DLGAP2: variants seen among roughly 807,000 people sequenced by gnomAD.
The protein encoded by DLGAP2 is DLG associated protein 2, also known as disks large-associated protein 2.
Under a neutral mutation model 100.3 loss-of-function variants are expected in DLGAP2, and 26 were observed. That is an observed-to-expected ratio of 0.26 (90% CI 0.19 to 0.36). The LOEUF is 0.36. Among genes scored for constraint, DLGAP2 ranks in the 10% least tolerant of loss-of-function variants. The pLI is 1.00. For missense variants in DLGAP2, 1,858 were observed against 1,453.2 expected, an observed-to-expected ratio of 1.28 and a Z score of -4.53; for synonymous variants, 886 against 630.1, an observed-to-expected ratio of 1.41 and a Z score of -6.08.
At chr8:1,591,818 C>T (rs986101013) in intron 6 of DLGAP2, among the ~76,000 whole-genome samples, 14 of 152,174 alleles carry the variant, frequency 9.2e-5, no homozygotes, top group African/African-American at 3.1e-4. Flanking sequence ...CTGCCCTTCA[C>T]GTTTGTGGAT....
chr8:982,062 C>G (rs1271267810), intron 2 of DLGAP2, among the ~76,000 whole-genome samples: 2 of 152,212 alleles, frequency 1.3e-5, no homozygotes, highest in East Asian at 3.9e-4. Flanking sequence ...AACCATGTCT[C>G]CTCTGCACAG....
At chr8:1,223,347 C>T (rs147921925) in intron 2 of DLGAP2, among the ~76,000 whole-genome samples, 16 of 152,292 alleles carry the variant, frequency 1.1e-4, no homozygotes, top group South Asian at 2.1e-4. Flanking sequence ...AAGCGCTTCC[C>T]GTGTGCATGG....
intron 1 of DLGAP2, among the ~76,000 whole-genome samples, chr8:844,877 C>T (rs1797045428): frequency 6.6e-6 from 1 of 152,216 alleles, no homozygotes; most frequent in Admixed American, 6.5e-5. Context: ...AAATCCACTT[C>T]TGTCTCGGTT....
chr8:997,291 A>C (rs1800808531), intron 2 of DLGAP2, among the ~76,000 whole-genome samples: 1 of 152,222 alleles, frequency 6.6e-6, no homozygotes. Context: ...AATTCATGAA[A>C]ATTACAAAAT....
chr8:819,385 A>G (rs372736093), intron 1 of DLGAP2, among the ~76,000 whole-genome samples: 4 of 152,226 alleles, frequency 2.6e-5, no homozygotes, highest in Non-Finnish European at 5.9e-5. Flanking sequence ...ACAGGTCAAG[A>G]TATGATCAGA....
chr8:1,262,825 C>G lies in DLGAP2; in HGVS notation c.106+3942C>G, dbSNP rs147498756. On this transcript the variant is annotated intron_variant, in intron 3 of 14. Transcript: ENST00000637795. ...AAGCTTTATTGACAGATGCATGATA[C>G]TACTCGCTTTTCAACTAGAACACAG... Among the ~76,000 whole-genome samples, 69 of 152,262 alleles carry G rather than the reference C, an allele frequency of 4.5e-4. 1 individual carries two copies. The highest frequency in any genetic ancestry group is 1.5e-3 in the African/African-American group (62 of 41,542).
chr8:1,023,717 C>G (rs564366766), intron 2 of DLGAP2, among the ~76,000 whole-genome samples: 30 of 152,250 alleles, frequency 2.0e-4, no homozygotes, highest in African/African-American at 7.2e-4. Context: ...CCCAGCCCTG[C>G]TTTCCTTAGA....
At chr8:1,374,802 G>A (rs1035875477) in intron 3 of DLGAP2, among the ~76,000 whole-genome samples, 11 of 152,166 alleles carry the variant, frequency 7.2e-5, no homozygotes, top group Non-Finnish European at 1.6e-4. Context: ...GCTTCAGTCC[G>A]AATCGGTCCA....
At chr8:1,698,573 G>A (rs1799471688) in intron 14 of DLGAP2, among the ~76,000 whole-genome samples, 1 of 151,314 alleles carries the variant, frequency 6.6e-6, no homozygotes, top group Non-Finnish European at 1.5e-5. Flanking sequence ...AGCCATGCAT[G>A]GGACTAGACA....
chr8:1,416,740 G>A (rs1008683888), intron 3 of DLGAP2, among the ~76,000 whole-genome samples: 1 of 152,158 alleles, frequency 6.6e-6, no homozygotes, highest in Non-Finnish European at 1.5e-5. Flanking sequence ...GTAAGAAAAG[G>A]AATCGGACGT....
At chr8:904,176 G>C (rs1299004256) in intron 1 of DLGAP2, among the ~76,000 whole-genome samples, 1 of 152,246 alleles carries the variant, frequency 6.6e-6, no homozygotes, top group African/African-American at 2.4e-5. Flanking sequence ...TGTGTGGACA[G>C]TGTGACCGGG....
rs368746939 is a variant in DLGAP2, at chr8:1,146,629, A to G, written c.74-112222A>G. Among the ~76,000 whole-genome samples the G allele has an allele frequency of 7.9e-5, 12 of 151,922 alleles. No individual in the cohort carries two copies. In the East Asian group the frequency reaches 9.7e-4, roughly 12 times the overall value. ...TGTGTGCATGCACGTGTGTGCATGC[A>G]TGTGTGTGCATGTGAGTGTGTGCAT... On this transcript the variant is annotated intron_variant, in intron 2 of 14. Transcript: ENST00000637795.
rs1046765435 is a variant in DLGAP2 at position 1,701,417 on chromosome 8, CG to C, written c.*13del. 10 of 1,572,574 alleles carry C rather than the reference CG, an allele frequency of 6.4e-6. No homozygotes were observed. The Admixed American group carries it at 1.3e-4, about 20-fold the overall frequency. The stretch of plus-strand genomic sequence containing the variant: ...CAGACCCGGCTCTGAGGGCGGAGGC[CG>C]GCGCCTTCCCCTCGTCGCTTCCGCT... On this transcript the variant is annotated 3_prime_UTR_variant, in exon 15 of 15. Transcript: ENST00000637795.
At chr8:1,178,256 A>G (rs968157403) in intron 2 of DLGAP2, among the ~76,000 whole-genome samples, 2 of 152,242 alleles carry the variant, frequency 1.3e-5, no homozygotes, top group Non-Finnish European at 2.9e-5. Context: ...ACGTGATAGC[A>G]TTTGGTGGGT....
At chr8:1,267,637 G>GAAATAAAATAAAATAAAATCAAATAAAA (rs1382093781) in intron 3 of DLGAP2, among the ~76,000 whole-genome samples, 1 of 91,980 alleles carries the variant, frequency 1.1e-5, no homozygotes, top group Non-Finnish European at 2.3e-5. Context: ...TATTAAATAG[G>GAAATAAAATAAAATAAAATCAAATAAAA]TCTACAAAAA....
chr8:1,633,911 G>C (rs1164516474), intron 8 of DLGAP2, among the ~76,000 whole-genome samples: 1 of 152,244 alleles, frequency 6.6e-6, no homozygotes, highest in East Asian at 1.9e-4. Flanking sequence ...CACATAACAG[G>C]AGAGAAGCAA....
At chr8:1,615,722 T>C (rs550631711) in intron 6 of DLGAP2, among the ~76,000 whole-genome samples, 1 of 151,822 alleles carries the variant, frequency 6.6e-6, no homozygotes, top group Non-Finnish European at 1.5e-5. Flanking sequence ...TTATGAATGA[T>C]ATAAAAATGT....
chr8:945,225 C>T (rs1323826311), intron 2 of DLGAP2, among the ~76,000 whole-genome samples: 8 of 152,128 alleles, frequency 5.3e-5, no homozygotes, highest in Non-Finnish European at 1.0e-4. Context: ...TCCAAGGCAC[C>T]AGCAGCTGAT....
intron 6 of DLGAP2, among the ~76,000 whole-genome samples, chr8:1,613,542 T>TTA (rs1797050405): frequency 7.4e-6 from 1 of 135,882 alleles, no homozygotes; most frequent in Non-Finnish European, 1.6e-5. Context: ...TAAAGTATAA[T>TTA]AAAAAAAAAA....
Sources: gnomAD v4.1 joint callset for allele counts (sites outside exome capture counted in the v4.1 genomes callset) on GRCh38, gnomAD v4.1.1 for gene constraint, MANE v1.5 for transcripts, NCBI Gene and HGNC (gene_info 2026-07-23, HGNC 2026-07-21) for gene names.